The following VEZF1 variants were observed in gnomAD, a reference collection of about 807,000 sequenced individuals.
VEZF1 encodes putative transcription factor DB1.
Under a neutral mutation model 44.1 loss-of-function variants are expected in VEZF1, and 5 were observed. That is an observed-to-expected ratio of 0.11 (90% CI 0.06 to 0.24). VEZF1 has a LOEUF of 0.24. VEZF1 is among the 10% of genes least tolerant of loss of function. The probability of loss-of-function intolerance (pLI) is 1.00; values close to 1 mark genes in which losing one functional copy is unlikely to be tolerated. For synonymous variants in VEZF1, 236 were observed against 233.1 expected, an observed-to-expected ratio of 1.01 and a Z score of -0.11; for missense variants, 358 against 641.8, an observed-to-expected ratio of 0.56 and a Z score of 4.78.
intron 5 of VEZF1, among the ~76,000 whole-genome samples, 178 bp from the exon 6 acceptor site, chr17:57,975,078 G>A (rs888095499): frequency 6.6e-6 from 1 of 152,198 alleles, no homozygotes; most frequent in African/African-American, 2.4e-5. Flanking sequence ...GGGGGCCAGG[G>A]ATCCCAGTGT....
At chr17:57,979,981 A>AG in intron 4 of VEZF1, among the ~76,000 whole-genome samples, 1 of 151,658 alleles carries the variant, frequency 6.6e-6, no homozygotes, top group East Asian at 1.9e-4. Context: ...AAAAAAAAAA[A>AG]AAAAAAAAAA....
chr17:57,984,845 T>G (rs975982791), intron 1 of VEZF1, among the ~76,000 whole-genome samples: 1 of 152,242 alleles, frequency 6.6e-6, no homozygotes, highest in African/African-American at 2.4e-5. Flanking sequence ...TTAATAATTT[T>G]GATGTAATCA....
At chr17:57,980,961 G>C (rs1041798875) in intron 3 of VEZF1, among the ~76,000 whole-genome samples, 175 bp from the exon 4 acceptor site, 5 of 152,114 alleles carry the variant, frequency 3.3e-5, no homozygotes, top group African/African-American at 1.2e-4. Flanking sequence ...ATAAATTTTA[G>C]ACTCTTCCAT....
At position 57,975,071 on chromosome 17, in the gene VEZF1, G is replaced by A. The variant is rs186143748; in HGVS notation, c.1139-171C>T. On this transcript the variant is annotated intron_variant, in intron 5 of 5. Coordinates refer to ENST00000581208, the MANE Select transcript of VEZF1 (RefSeq NM_007146.3). ...GGATCTTTCTGAGCACAAGCCTGGG[G>A]GCCAGGGATCCCAGTGTATGAATCA... Among the ~76,000 whole-genome samples, 396 of 152,302 alleles carry A rather than the reference G, an allele frequency of 2.6e-3. 1 individual carries two copies. The highest frequency in any genetic ancestry group is 2.5e-3 in the Non-Finnish European group (173 of 68,016).
At chr17:57,987,156 G>A (rs905879764) in intron 1 of VEZF1, among the ~76,000 whole-genome samples, 4 of 152,290 alleles carry the variant, frequency 2.6e-5, no homozygotes, top group Admixed American at 6.5e-5. Flanking sequence ...CTCATCTGGG[G>A]GCTTTGTAAG....
Position 57,972,109 on chromosome 17 carries a change from G to A in VEZF1, c.*2364C>T, listed in dbSNP as rs1004089979. 1 of 152,468 alleles carries A rather than the reference G, an allele frequency of 6.6e-6. No homozygotes were observed. Among genetic ancestry groups the A allele is most frequent in the African/African-American group, 2.4e-5 (1 of 41,384 alleles). 9.4% of individuals were successfully genotyped at this position (152,468 alleles called of 1,614,324 possible). ...CATACAAAATAGTATTTTAACTGAA[G>A]TCATACAATGAAGTCTCACTCCTGT... On this transcript the variant is annotated 3_prime_UTR_variant, in exon 6 of 6. Coordinates refer to ENST00000581208, the MANE Select transcript of VEZF1 (RefSeq NM_007146.3).
chr17:57,979,364 CG>C, intron 4 of VEZF1, 51 bp from the exon 5 acceptor site: 2 of 1,591,416 alleles, frequency 1.3e-6, no homozygotes, highest in Non-Finnish European at 8.6e-7. Flanking sequence ...AAACTGTTGC[CG>C]TTTTTTTTCA....
intron 4 of VEZF1, 51 bp from the exon 5 acceptor site, chr17:57,979,364 C>T (rs372759125): frequency 9.4e-6 from 15 of 1,591,298 alleles, no homozygotes; most frequent in Admixed American, 5.2e-5. Context: ...AAACTGTTGC[C>T]GTTTTTTTTC....
chr17:57,985,537 C>T, intron 1 of VEZF1: 1 of 784,754 alleles, frequency 1.3e-6, no homozygotes, highest in Non-Finnish European at 1.5e-6. Flanking sequence ...AAAAATATAA[C>T]TTCTGGGTAG....
rs1439746310 is a variant in VEZF1, at chr17:57,971,588, T to C, written c.*2885A>G. 6.6e-6 allele frequency: 1 copy of C among 152,552 alleles called. No homozygotes were observed. Among genetic ancestry groups the C allele is most frequent in the Non-Finnish European group, 1.5e-5 (1 of 68,030 alleles). 9.4% of individuals were successfully genotyped at this position (152,552 alleles called of 1,614,324 possible). A position where few individuals can be genotyped will look rare whatever the true frequency, so the allele number is the denominator to read the frequency against. On this transcript the variant is annotated 3_prime_UTR_variant, in exon 6 of 6. Coordinates refer to ENST00000581208, the MANE Select transcript of VEZF1 (RefSeq NM_007146.3). ...TTAACTTTAATTTTCAAAATAAATC[T>C]GCAGTATTTTGCATGTTAGTAATAC... is the stretch of plus-strand genomic sequence containing the variant.
rs1291414931 is a variant in VEZF1, at chr17:57,974,503, G to A, written c.1536C>T (p.Pro512=). ...AAGGCGGTGATGTAGGCAAAGCTTG[G>A]GGCAAGAAAGGCATGCTCTCTACAG... The part of the protein sequence containing the change: ...MRPVESMPFL[P]QALPTSPPW Residue 512 remains proline, a synonymous_variant, in exon 6 of 6, where the codon CCC becomes CCT. Coordinates refer to ENST00000581208, the MANE Select transcript of VEZF1 (RefSeq NM_007146.3). The A allele has an allele frequency of 2.5e-6, 4 of 1,613,666 alleles. No homozygotes were observed. Among genetic ancestry groups the A allele is most frequent in the African/African-American group, 2.7e-5 (2 of 74,882 alleles).
intron 5 of VEZF1, among the ~76,000 whole-genome samples, chr17:57,976,504 T>C (rs752377942): frequency 3.9e-5 from 6 of 152,228 alleles, no homozygotes; most frequent in Non-Finnish European, 8.8e-5. Flanking sequence ...TGTGTATTTT[T>C]AAAAAGCTTC....
At chr17:57,980,987 T>C (rs1598047284) in intron 3 of VEZF1, among the ~76,000 whole-genome samples, 1 of 152,310 alleles carries the variant, frequency 6.6e-6, no homozygotes, top group East Asian at 1.9e-4. Context: ...AGGAAGAAAA[T>C]ACATCAACAC....
intron 4 of VEZF1, among the ~76,000 whole-genome samples, chr17:57,979,752 G>A (rs1456753087): frequency 4.6e-5 from 7 of 152,008 alleles, no homozygotes; most frequent in Non-Finnish European, 1.0e-4. Context: ...CTGGGCTCAG[G>A]AGTTCGAGAC....
Position 57,985,071 on chromosome 17 carries a change from C to T in VEZF1, c.34-1678G>A, listed in dbSNP as rs920597139. 5.3e-5 allele frequency among the ~76,000 whole-genome samples: 8 copies of T among 152,246 alleles called. No homozygotes were observed. In the South Asian group the frequency reaches 8.3e-4, roughly 16 times the overall value. ...TTTTCCAACCTGGCTGTAGGATACTCGTTTCCATACAGTATACAAATAGTT... is the reference window on the plus strand; with the variant it reads ...TTTTCCAACCTGGCTGTAGGATACTTGTTTCCATACAGTATACAAATAGTT... On this transcript the variant is annotated intron_variant, in intron 1 of 5. Coordinates refer to ENST00000581208, the MANE Select transcript of VEZF1 (RefSeq NM_007146.3).
chr17:57,985,370 G>C (rs1381977622), intron 1 of VEZF1: 3 of 1,229,744 alleles, frequency 2.4e-6, no homozygotes, highest in Non-Finnish European at 3.0e-6. Context: ...AAATGCTGCA[G>C]AACCACTACA....
chr17:57,980,793 G>A lies in VEZF1; in HGVS notation c.793-7C>T. 6.2e-7 allele frequency: 1 copy of A among 1,614,126 alleles called. No homozygotes were observed. The highest frequency in any genetic ancestry group is 8.5e-7 in the Non-Finnish European group (1 of 1,179,984). On this transcript the variant is annotated splice_region_variant and splice_polypyrimidine_tract_variant and intron_variant, in intron 3 of 5. Transcript: ENST00000581208. ...CAAAGGCAGCAGTGCACGTCTGCAT[G>A]AGGGAGGAAAACTTTTTTTAAATAT...
intron 1 of VEZF1, chr17:57,985,568 A>G: frequency 2.0e-6 from 1 of 495,120 alleles, no homozygotes; most frequent in Non-Finnish European, 2.6e-6. Flanking sequence ...GACTAGCATC[A>G]TCAAACCAAA....
intron 1 of VEZF1, among the ~76,000 whole-genome samples, chr17:57,986,310 T>C (rs879647710): frequency 4.0e-5 from 6 of 150,148 alleles, no homozygotes; most frequent in Admixed American, 4.0e-4. Flanking sequence ...TGAAGAACAC[T>C]TTTTTTTTTC....
Sources: gnomAD v4.1 joint callset for allele counts (sites outside exome capture counted in the v4.1 genomes callset) on GRCh38, gnomAD v4.1.1 for gene constraint, MANE v1.5 for transcripts, NCBI Gene and HGNC (gene_info 2026-07-23, HGNC 2026-07-21) for gene names.